AP3S1: variants seen among roughly 807,000 people sequenced by gnomAD.
The protein encoded by AP3S1 is adaptor related protein complex 3 subunit sigma 1, also known as AP-3 complex subunit sigma-1.
In AP3S1, 12 loss-of-function variants were observed where a neutral mutation model predicts 21.3. The ratio of observed to expected loss-of-function variants is 0.56; its 90% confidence interval spans 0.36 to 0.91. The LOEUF (loss-of-function observed/expected upper bound fraction) is 0.91. AP3S1 is among the 40% of genes least tolerant of loss of function. The probability of loss-of-function intolerance (pLI) is 0.01; values close to 1 mark genes in which losing one functional copy is unlikely to be tolerated. For missense variants in AP3S1, 116 were observed against 225.0 expected, an observed-to-expected ratio of 0.52 and a Z score of 3.10; for synonymous variants, 48 against 78.4, an observed-to-expected ratio of 0.61 and a Z score of 2.05.
At chr5:115,855,374 C>T (rs539363523) in intron 1 of AP3S1, among the ~76,000 whole-genome samples, 1 of 152,086 alleles carries the variant, frequency 6.6e-6, no homozygotes, top group African/African-American at 2.4e-5. Flanking sequence ...GGGCCTCGCT[C>T]AGCCACCTAG....
chr5:115,856,811 G>A (rs1762834396), intron 1 of AP3S1, among the ~76,000 whole-genome samples: 1 of 151,994 alleles, frequency 6.6e-6, no homozygotes, highest in African/African-American at 2.4e-5. Flanking sequence ...ATTTCTTTGT[G>A]GGGAGAATGT....
At position 115,841,966 on chromosome 5, in the gene AP3S1, A is replaced by G. The variant is rs1349925173; in HGVS notation, c.-72A>G. ...CGGGTGGGGAAGGATCGCAGGCGAG[A>G]TTACGAGGCGAGGCTCGCGCGCCCG... On this transcript the variant is annotated 5_prime_UTR_variant, in exon 1 of 6. Transcript: ENST00000316788. 4 of 1,499,884 alleles carry G rather than the reference A, an allele frequency of 2.7e-6. No homozygotes were observed. Among genetic ancestry groups the G allele is most frequent in the East Asian group, 5.1e-5 (2 of 38,956 alleles). 92.9% of individuals were successfully genotyped at this position (1,499,884 alleles called of 1,614,324 possible). A position where few individuals can be genotyped will look rare whatever the true frequency, so the allele number is the denominator to read the frequency against.
chr5:115,905,866 C>G (rs970163184), intron 5 of AP3S1, among the ~76,000 whole-genome samples: 6 of 152,144 alleles, frequency 3.9e-5, no homozygotes, highest in Non-Finnish European at 8.8e-5. Flanking sequence ...AACTTAATGA[C>G]TTGTTTGGCT....
chr5:115,861,232 A>G (rs1763156900), intron 1 of AP3S1, among the ~76,000 whole-genome samples: 1 of 152,206 alleles, frequency 6.6e-6, no homozygotes, highest in Non-Finnish European at 1.5e-5. Flanking sequence ...GGGTGTTGCT[A>G]GAGAATGGAG....
chr5:115,859,509 C>T (rs1307012792), intron 1 of AP3S1, among the ~76,000 whole-genome samples: 2 of 152,170 alleles, frequency 1.3e-5, no homozygotes, highest in Non-Finnish European at 2.9e-5. Context: ...TTCATCATGA[C>T]CAATTTCAGG....
chr5:115,846,342 C>A (rs1178745700), intron 1 of AP3S1, among the ~76,000 whole-genome samples: 1 of 152,108 alleles, frequency 6.6e-6, no homozygotes, highest in East Asian at 1.9e-4. Flanking sequence ...AAATGTCTTT[C>A]TTTTGTGTGA....
At chr5:115,903,050 T>G in intron 5 of AP3S1, 58 bp downstream of exon 5, 5 of 1,250,922 alleles carry the variant, frequency 4.0e-6, no homozygotes, top group Non-Finnish European at 5.7e-6. Context: ...AGATTACGCA[T>G]GATTTGTAGT....
intron 2 of AP3S1, among the ~76,000 whole-genome samples, chr5:115,868,109 A>C (rs894919452): frequency 6.6e-6 from 1 of 152,194 alleles, no homozygotes; most frequent in Admixed American, 6.5e-5. Context: ...GATGTATTAC[A>C]TTCTGTACAG....
intron 3 of AP3S1, among the ~76,000 whole-genome samples, chr5:115,877,137 C>A (rs1377343207): frequency 6.6e-6 from 1 of 151,738 alleles, no homozygotes; most frequent in Non-Finnish European, 1.5e-5. Flanking sequence ...TTCTATCATA[C>A]CTCAATATTT....
chr5:115,903,752 T>C (rs1396031856), intron 5 of AP3S1: 1 of 152,186 alleles, frequency 6.6e-6, no homozygotes, highest in East Asian at 1.9e-4. Context: ...CTAGTCTGAA[T>C]ATCAGTAGCA....
intron 3 of AP3S1, among the ~76,000 whole-genome samples, chr5:115,874,055 G>A (rs980011743): frequency 9.2e-5 from 14 of 151,992 alleles, no homozygotes; most frequent in African/African-American, 2.4e-4. Context: ...TAATAAATTC[G>A]TTATGGAATT....
intron 5 of AP3S1, among the ~76,000 whole-genome samples, chr5:115,909,177 T>C (rs1268212165): frequency 6.6e-6 from 1 of 152,202 alleles, no homozygotes; most frequent in African/African-American, 2.4e-5. Context: ...ACTTTCCTTT[T>C]CCCTTCAAGA....
At chr5:115,901,553 CTTTT>C (rs1375375319) in intron 4 of AP3S1, among the ~76,000 whole-genome samples, 1 of 140,838 alleles carries the variant, frequency 7.1e-6, no homozygotes. Context: ...ATAATGATGA[CTTTT>C]TTTTTTTTTT....
intron 5 of AP3S1, chr5:115,906,902 A>G: frequency 6.8e-7 from 1 of 1,460,808 alleles, no homozygotes; most frequent in Non-Finnish European, 9.0e-7. Flanking sequence ...AACAAAGGGA[A>G]AGCAAAATGA....
intron 3 of AP3S1, among the ~76,000 whole-genome samples, chr5:115,872,998 A>C (rs529574936): frequency 2.6e-5 from 4 of 152,324 alleles, no homozygotes; most frequent in African/African-American, 9.6e-5. Flanking sequence ...GAATTACAGG[A>C]AGAAAAACAG....
At chr5:115,871,233 C>T (rs1339426440) in intron 3 of AP3S1, among the ~76,000 whole-genome samples, 1 of 152,196 alleles carries the variant, frequency 6.6e-6, no homozygotes, top group Non-Finnish European at 1.5e-5. Context: ...TGCCTCTGCT[C>T]ACAATACGTG....
intron 3 of AP3S1, among the ~76,000 whole-genome samples, chr5:115,891,713 G>C (rs10039018): frequency 0.23 from 34,738 of 152,022 alleles, 4,503 homozygotes; most frequent in African/African-American, 0.33. Flanking sequence ...AGAGGGCCAT[G>C]ATCCTCCAGA....
chr5:115,890,573 A>T (rs991419993), intron 3 of AP3S1, among the ~76,000 whole-genome samples: 1 of 152,220 alleles, frequency 6.6e-6, no homozygotes, highest in African/African-American at 2.4e-5. Context: ...AGTGTTGATT[A>T]TACAGAAAAA....
rs531167487 is a variant in AP3S1 at position 115,894,290 on chromosome 5, T to C, written c.274-797T>C. Among the ~76,000 whole-genome samples, 6 of 152,302 alleles carry C rather than the reference T, an allele frequency of 3.9e-5. No individual in the cohort carries two copies. The South Asian group carries it at 1.0e-3, about 26-fold the overall frequency. The stretch of plus-strand genomic sequence containing the variant: ...ACCCTGGGGGTCAGTCACATAGGTA[T>C]GTCATGCCTGCATGACTGACCTTGG... On this transcript the variant is annotated intron_variant, in intron 3 of 5. Transcript: ENST00000316788.
Sources: allele counts gnomAD v4.1 joint callset (sites outside exome capture counted in the v4.1 genomes callset), GRCh38; gene constraint gnomAD v4.1.1; transcripts MANE v1.5; gene names NCBI Gene and HGNC (gene_info 2026-07-23, HGNC 2026-07-21).